Variants in RCN2 observed in about 807,000 individuals in gnomAD.
RCN2 encodes reticulocalbin-2.
In RCN2, 23 loss-of-function variants were observed where a neutral mutation model predicts 37.5. That is an observed-to-expected ratio of 0.61 (90% CI 0.44 to 0.87). The LOEUF is 0.87. Among genes scored for constraint, RCN2 ranks in the 40% least tolerant of loss-of-function variants. The pLI, the probability that RCN2 is intolerant of heterozygous loss-of-function variation, is 0.00. For synonymous variants in RCN2, 140 were observed against 144.6 expected, an observed-to-expected ratio of 0.97 and a Z score of 0.23; for missense variants, 381 against 390.4, an observed-to-expected ratio of 0.98 and a Z score of 0.20.
chr15:76,948,228 A>C, intron 5 of RCN2, 182 bp from the exon 6 acceptor site: 1 of 426,126 alleles, frequency 2.3e-6, no homozygotes, highest in East Asian at 3.5e-5. Flanking sequence ...GACTCGTGTC[A>C]CTTTTGAAAA....
intron 3 of RCN2, 71 bp downstream of exon 3, chr15:76,935,793 C>T (rs1231215604): frequency 8.9e-7 from 1 of 1,128,694 alleles, no homozygotes; most frequent in Non-Finnish European, 1.3e-6. Flanking sequence ...TGAATGAGCA[C>T]ATTGAGGGCC....
Position 76,950,188 on chromosome 15 carries a change from A to G in RCN2, c.*966A>G, listed in dbSNP as rs1209788046. ...TGAGTAACGCAGGTTGGAATTACCA[A>G]TAGAGCTGGTCAGTTATCAACAGTA... On this transcript the variant is annotated 3_prime_UTR_variant, in exon 7 of 7. Transcript: ENST00000394885. The G allele has an allele frequency of 3.3e-5, 5 of 152,146 alleles. No individual in the cohort carries two copies. Among genetic ancestry groups the G allele is most frequent in the Admixed American group, 3.3e-4 (5 of 15,270 alleles). 9.4% of individuals were successfully genotyped at this position (152,146 alleles called of 1,614,324 possible). A position where few individuals can be genotyped will look rare whatever the true frequency, so the allele number is the denominator to read the frequency against.
intron 3 of RCN2, chr15:76,942,729 C>T (rs952578050): frequency 3.3e-5 from 5 of 152,190 alleles, no homozygotes; most frequent in African/African-American, 1.2e-4. Flanking sequence ...ATAGCCTGAG[C>T]TCAGGAGTTT....
At chr15:76,935,766 C>A in intron 3 of RCN2, 44 bp downstream of exon 3, 1 of 1,460,712 alleles carries the variant, frequency 6.8e-7, no homozygotes, top group South Asian at 1.2e-5. Flanking sequence ...CATGTCAGTT[C>A]ACTTTACCTT....
At chr15:76,940,857 C>T (rs761411727) in intron 3 of RCN2, among the ~76,000 whole-genome samples, 2 of 151,420 alleles carry the variant, frequency 1.3e-5, no homozygotes, top group Non-Finnish European at 2.9e-5. Flanking sequence ...CCACCATGCC[C>T]AGTCTGAATT....
chr15:76,949,147 CTTG>C lies in RCN2; in HGVS notation c.882_884del (p.Leu294del). On this transcript the variant is annotated inframe_deletion, in exon 7 of 7. Transcript: ENST00000394885. ...AAGAAGAGATTCTGGAAAACCCGGA[CTTG>C]TTTCTCACCAGTGAAGCCACAGATT... 1 of 1,613,290 alleles carries C rather than the reference CTTG, an allele frequency of 6.2e-7. No individual in the cohort carries two copies. Among genetic ancestry groups the C allele is most frequent in the Non-Finnish European group, 8.5e-7 (1 of 1,179,574 alleles).
rs146248366 is a variant in RCN2, at chr15:76,940,207, G to A, written c.448-3551G>A. Among the ~76,000 whole-genome samples the A allele has an allele frequency of 1.0e-2, 1,511 of 151,674 alleles. 14 individuals carry two copies. The highest frequency in any genetic ancestry group is 0.016 in the Non-Finnish European group (1,107 of 67,954). On this transcript the variant is annotated intron_variant, in intron 3 of 6. Transcript: ENST00000394885. ...TATAAGTAACTTCCTGTGTGTATGT[G>A]TAGTCCCAGCTGCTCAGGAGGCTGA...
rs2075332112 is a variant in RCN2 at position 76,953,574 on chromosome 15, T to TATAC, written c.*4355_*4356insCATA. 1 of 19,776 alleles carries TATAC rather than the reference T, an allele frequency of 5.1e-5. No homozygotes were observed. The highest frequency in any genetic ancestry group is 2.1e-4 in the African/African-American group (1 of 4,844). The allele number at this position is 19,776 out of a possible 1,614,324, so 1.2% of individuals were successfully genotyped here. On this transcript the variant is annotated 3_prime_UTR_variant, in exon 7 of 7. Transcript: ENST00000394885. ...GTAATTCTATATATATATATATATA[T>TATAC]ATATATATATATATATATATTTTTT... is the stretch of plus-strand genomic sequence containing the variant.
chr15:76,943,166 A>G (rs1204575855), intron 3 of RCN2: 1 of 152,236 alleles, frequency 6.6e-6, no homozygotes, highest in African/African-American at 2.4e-5. Flanking sequence ...TTATTAAAGT[A>G]GACAGTATAG....
At position 76,953,567 on chromosome 15, in the gene RCN2, ATATATATATATATATATATATATATAT is replaced by A. The variant is rs2075331428; in HGVS notation, c.*4347_*4373del. On this transcript the variant is annotated 3_prime_UTR_variant, in exon 7 of 7. Transcript: ENST00000394885. ...TCATATAGTAATTCTATATATATAT[ATATATATATATATATATATATATATAT>A]TTTTTTTTTTTTTTTTTTTTTTTTT... The A allele has an allele frequency of 3.1e-4, 4 of 12,746 alleles. No homozygotes were observed. The highest frequency in any genetic ancestry group is 2.7e-3 in the South Asian group (1 of 366). 0.8% of individuals were successfully genotyped at this position (12,746 alleles called of 1,614,324 possible). A position where few individuals can be genotyped will look rare whatever the true frequency, so the allele number is the denominator to read the frequency against.
chr15:76,947,125 A>T (rs180700020), intron 4 of RCN2, among the ~76,000 whole-genome samples: 22 of 152,296 alleles, frequency 1.4e-4, no homozygotes, highest in Non-Finnish European at 2.6e-4. Flanking sequence ...TGTTTATGAG[A>T]GTGAAAGTGG....
At chr15:76,941,551 A>G in intron 3 of RCN2, 2 of 656,590 alleles carry the variant, frequency 3.0e-6, no homozygotes, top group South Asian at 2.6e-5. Flanking sequence ...TTTACCCTCT[A>G]CTAGAATACA....
chr15:76,942,930 G>A (rs747649054), intron 3 of RCN2: 1 of 152,104 alleles, frequency 6.6e-6, no homozygotes, highest in African/African-American at 2.4e-5. Flanking sequence ...ATGACGGAGT[G>A]AGACCTCATC....
chr15:76,937,342 C>G (rs915082090), intron 3 of RCN2, among the ~76,000 whole-genome samples: 1 of 151,838 alleles, frequency 6.6e-6, no homozygotes, highest in African/African-American at 2.4e-5. Context: ...TACGGTAATT[C>G]TATTTTTAAT....
chr15:76,935,590 G>C lies in RCN2; in HGVS notation c.315G>C (p.Gln105His). Residue 105 changes from glutamine (Q) to histidine (H), a missense_variant, in exon 3 of 7, where the codon CAG (glutamine) becomes CAC (histidine). Transcript: ENST00000394885. ...ATGCTATGCAAGAAGCAAAACAACA[G>C]TTTGTTGAATATGATAAAAACAGTG... ...KHYAMQEAKQ[Q>H]FVEYDKNSDD... 6.2e-7 allele frequency: 1 copy of C among 1,613,670 alleles called. No individual in the cohort carries two copies. Among genetic ancestry groups the C allele is most frequent in the Non-Finnish European group, 8.5e-7 (1 of 1,179,658 alleles).
At chr15:76,948,180 T>G (rs1191406639) in intron 5 of RCN2, 2 of 351,072 alleles carry the variant, frequency 5.7e-6, no homozygotes, top group Non-Finnish European at 1.0e-5. Context: ...ATTACTAGTT[T>G]GTGAAAACAT....
At chr15:76,938,907 C>T in intron 3 of RCN2, 1 of 396,622 alleles carries the variant, frequency 2.5e-6, no homozygotes, top group Admixed American at 2.6e-5. Context: ...TGGCTCACAC[C>T]TGTAATCTCA....
At chr15:76,949,049 C>CT in intron 6 of RCN2, 21 bp from the exon 7 acceptor site, 3 of 1,579,334 alleles carry the variant, frequency 1.9e-6, no homozygotes, top group African/African-American at 2.7e-5. Context: ...ACACTTGACA[C>CT]TTTTTTGTTT....
Position 76,949,445 on chromosome 15 carries a change from A to T in RCN2, c.*223A>T, listed in dbSNP as rs1261867412. ...CAACAAAATATTAATATTGTGCCAT[A>T]TGACAACAAAGTCTTTCCTAAATAC... On this transcript the variant is annotated 3_prime_UTR_variant, in exon 7 of 7. Coordinates refer to ENST00000394885, the MANE Select transcript of RCN2 (RefSeq NM_002902.3). 1.9e-5 allele frequency: 7 copies of T among 360,380 alleles called. No homozygotes were observed. Among genetic ancestry groups the T allele is most frequent in the Non-Finnish European group, 3.5e-5 (7 of 202,154 alleles). The allele number at this position is 360,380 out of a possible 1,614,324, so 22.3% of individuals were successfully genotyped here. A position where few individuals can be genotyped will look rare whatever the true frequency, so the allele number is the denominator to read the frequency against.
Sources: allele counts gnomAD v4.1 joint callset (sites outside exome capture counted in the v4.1 genomes callset), GRCh38; gene constraint gnomAD v4.1.1; transcripts MANE v1.5; gene names NCBI Gene and HGNC (gene_info 2026-07-23, HGNC 2026-07-21).